The following NXNL2 variants were observed in gnomAD, a reference collection of about 807,000 sequenced individuals.
NXNL2 encodes nucleoredoxin like 2, also known as nucleoredoxin-like protein 2.
In NXNL2, 7 loss-of-function variants were observed where a neutral mutation model predicts 11.1. The observed-to-expected ratio is 0.63, with a 90% CI of 0.36 to 1.18. The LOEUF (loss-of-function observed/expected upper bound fraction) is 1.18. NXNL2 is among the 50% of genes most tolerant of loss of function. The pLI is 0.02. For synonymous variants in NXNL2, 109 were observed against 101.8 expected (o/e 1.07, Z -0.42); for missense variants, 233 against 217.7 (o/e 1.07, Z -0.44).
chr9:88,536,843 C>T (rs1829632097), intron 1 of NXNL2, among the ~76,000 whole-genome samples: 1 of 152,220 alleles, frequency 6.6e-6, no homozygotes, highest in Admixed American at 6.5e-5. Context: ...GAGCCTCACT[C>T]ACACCGGGAC....
At chr9:88,571,922 G>A (rs1008416230) in intron 2 of NXNL2, among the ~76,000 whole-genome samples, 1 of 152,126 alleles carries the variant, frequency 6.6e-6, no homozygotes, top group Non-Finnish European at 1.5e-5. Flanking sequence ...CCATCAGAGG[G>A]CACGCAGGGA....
At chr9:88,562,007 A>G (rs879661833) in intron 1 of NXNL2, among the ~76,000 whole-genome samples, 12 of 152,208 alleles carry the variant, frequency 7.9e-5, no homozygotes, top group Non-Finnish European at 1.3e-4. Flanking sequence ...GCATAGCAGC[A>G]CTAGTTGTAA....
At chr9:88,577,665 G>A (rs891578942), downstream of NXNL2, among the ~76,000 whole-genome samples, 4 of 151,878 alleles carry the variant, frequency 2.6e-5, no homozygotes. Flanking sequence ...AGCGAGCGCA[G>A]CACCGTGCAT....
intron 1 of NXNL2, among the ~76,000 whole-genome samples, chr9:88,581,096 C>T (rs1414492759): frequency 2.0e-5 from 3 of 152,178 alleles, no homozygotes; most frequent in Admixed American, 6.5e-5. Context: ...GCTTTCTCCT[C>T]GGGGCAGTTG....
At chr9:88,559,193 G>A (rs1405893254) in intron 1 of NXNL2, among the ~76,000 whole-genome samples, 1 of 152,190 alleles carries the variant, frequency 6.6e-6, no homozygotes, top group Non-Finnish European at 1.5e-5. Flanking sequence ...GGGACAAGGA[G>A]CTTGGTGCCT....
At chr9:88,546,414 CTT>C (rs956682156), downstream of NXNL2, among the ~76,000 whole-genome samples, 10,597 of 109,842 alleles carry the variant, frequency 0.096, 1,311 homozygotes, top group African/African-American at 0.37. Flanking sequence ...AAGACACATT[CTT>C]TTTTTTTTTT....
At chr9:88,582,333 G>A (rs1564079739) in intron 1 of NXNL2, among the ~76,000 whole-genome samples, 2 of 152,222 alleles carry the variant, frequency 1.3e-5, no homozygotes, top group South Asian at 2.1e-4. Flanking sequence ...GCTGGGCATG[G>A]TGGCGGGCGC....
chr9:88,555,413 G>A (rs772027015), intron 1 of NXNL2, among the ~76,000 whole-genome samples: 4 of 152,074 alleles, frequency 2.6e-5, no homozygotes, highest in Non-Finnish European at 5.9e-5. Flanking sequence ...CTGTCATGGC[G>A]CCAGTGGGAG....
chr9:88,539,567 A>G (rs76092454), intron 1 of NXNL2: 607 of 134,508 alleles, frequency 4.5e-3, no homozygotes, highest in South Asian at 7.8e-3. Flanking sequence ...TACAGATGCT[A>G]AAATAACCCA....
chr9:88,553,602 G>A (rs1829972895), intron 1 of NXNL2, among the ~76,000 whole-genome samples: 1 of 152,172 alleles, frequency 6.6e-6, no homozygotes. Context: ...TTTCTAGCGG[G>A]TCAGGGAGGT....
chr9:88,560,985 T>C (rs960016191), intron 1 of NXNL2, among the ~76,000 whole-genome samples: 1 of 152,162 alleles, frequency 6.6e-6, no homozygotes, highest in South Asian at 2.1e-4. Flanking sequence ...TAAAAATATA[T>C]GTACACACAC....
chr9:88,539,054 G>A (rs546974309), intron 1 of NXNL2, among the ~76,000 whole-genome samples: 32 of 152,250 alleles, frequency 2.1e-4, no homozygotes, highest in Admixed American at 1.1e-3. Flanking sequence ...CCTCCTCTCC[G>A]CTTGCTGTCT....
At chr9:88,573,379 A>T (rs1403989062) in intron 2 of NXNL2, among the ~76,000 whole-genome samples, 1 of 152,172 alleles carries the variant, frequency 6.6e-6, no homozygotes, top group Non-Finnish European at 1.5e-5. Context: ...CCTGGGCTCA[A>T]GTGATCCCCC....
chr9:88,547,290 C>T (rs939254217), downstream of NXNL2, among the ~76,000 whole-genome samples: 1 of 152,240 alleles, frequency 6.6e-6, no homozygotes, highest in African/African-American at 2.4e-5. Context: ...TGGGGGCCCT[C>T]CCCTCTCCCA....
At chr9:88,559,261 G>A (rs1830056606) in intron 1 of NXNL2, among the ~76,000 whole-genome samples, 1 of 152,086 alleles carries the variant, frequency 6.6e-6, no homozygotes, top group Admixed American at 6.5e-5. Context: ...CATGGCCCGT[G>A]GACTACAGGT....
In NXNL2 at chr9:88,535,684, C is replaced by T. The variant is rs146062765; in HGVS notation, c.250C>T (p.Arg84Cys). ...GSSQEMLDFM[R>C]ELHGAWLALP... ...CTCCCAGGAGATGCTGGACTTCATG[C>T]GCGAGCTGCATGGCGCCTGGCTGGC... The change falls in exon 1 of 2, where the codon CGC becomes TGC. Residue 84 changes from arginine to cysteine, a missense_variant. By Grantham distance (180) the Arg-to-Cys change is radical. Transcript: ENST00000375854. The T allele has an allele frequency of 6.2e-7, 1 of 1,602,948 alleles. No individual in the cohort carries two copies. Among genetic ancestry groups the T allele is most frequent in the Admixed American group, 1.7e-5 (1 of 59,424 alleles).
chr9:88,564,285 TTATC>T (rs71507766), intron 1 of NXNL2, among the ~76,000 whole-genome samples: 14,386 of 140,124 alleles, frequency 0.1, 765 homozygotes, highest in Middle Eastern at 0.15. Flanking sequence ...TATCTATCTA[TTATC>T]TATCTATCTA....
chr9:88,556,753 ATTG>A (rs1830016988), intron 1 of NXNL2, among the ~76,000 whole-genome samples: 1 of 151,946 alleles, frequency 6.6e-6, no homozygotes, highest in Non-Finnish European at 1.5e-5. Context: ...GGCTCATCAG[ATTG>A]TTGTAATTAT....
At chr9:88,569,333 T>G (rs747061293) in intron 1 of NXNL2, among the ~76,000 whole-genome samples, 31 of 151,786 alleles carry the variant, frequency 2.0e-4, no homozygotes, top group Non-Finnish European at 3.8e-4. Context: ...CCTTTCTTCC[T>G]TTTTTTTCTT....
Sources: gnomAD v4.1 joint callset for allele counts (sites outside exome capture counted in the v4.1 genomes callset) on GRCh38, gnomAD v4.1.1 for gene constraint, MANE v1.5 for transcripts, NCBI Gene and HGNC (gene_info 2026-07-23, HGNC 2026-07-21) for gene names.